The following CLDN23 variants were observed in gnomAD, a reference collection of about 807,000 sequenced individuals.
The protein encoded by CLDN23 is claudin-23.
In CLDN23, 3 loss-of-function variants were observed where a neutral mutation model predicts 1.4. That is an observed-to-expected ratio of 2.10 (90% CI 0.96 to 5.43). CLDN23 has a LOEUF of 5.43. CLDN23 is among the 30% of genes most tolerant of loss of function. CLDN23 has a pLI of 0.02. For synonymous variants in CLDN23, 291 were observed against 209.9 expected (o/e 1.39, Z -3.34); for missense variants, 597 against 433.5 (o/e 1.38, Z -3.35).
rs1298845725 is a variant in CLDN23, at chr8:8,704,039, T to A, written c.*762T>A. ...TTTTGTACAAAATGGAACCTGTTAA[T>A]CATATTAAAGCACATATGTATATAT... is the stretch of plus-strand genomic sequence containing the variant. On this transcript the variant is annotated 3_prime_UTR_variant, in exon 1 of 1. Coordinates refer to ENST00000519106, the MANE Select transcript of CLDN23 (RefSeq NM_194284.3). The A allele has an allele frequency of 6.0e-6, 1 of 166,888 alleles. No individual in the cohort carries two copies. 10.3% of individuals were successfully genotyped at this position (166,888 alleles called of 1,614,324 possible).
Position 8,703,006 on chromosome 8 carries a change from G to T in CLDN23, c.608G>T (p.Ser203Ile). 6.4e-7 allele frequency: 1 copy of T among 1,562,596 alleles called. No individual in the cohort carries two copies. The highest frequency in any genetic ancestry group is 2.3e-5 in the East Asian group (1 of 42,964). The change falls in exon 1 of 1, where the codon AGC becomes ATC. Residue 203 changes from serine to isoleucine, a missense_variant. Physicochemically the swap from Ser to Ile is moderately radical, Grantham distance 142 (BLOSUM62 -2). Coordinates refer to ENST00000519106, the MANE Select transcript of CLDN23 (RefSeq NM_194284.3). ...GGACCCTCCGCCGGGCCTCGCCGCA[G>T]CAGCGTCAGCACCATCCAAGTGGAG... The part of the protein sequence containing the change: ...RKGPSAGPRR[S>I]SVSTIQVEWP...
chr8:8,702,690 G>C lies in CLDN23; in HGVS notation c.292G>C (p.Ala98Pro). ...LAATVLGLLLASLGVRCWQDE... is the reference protein window; with the variant it reads ...LAATVLGLLLPSLGVRCWQDE... ...CGCCACGGTCCTGGGGCTTCTGCTGGCGTCGCTGGGCGTGCGCTGCTGGCA... is the reference window on the plus strand; with the variant it reads ...CGCCACGGTCCTGGGGCTTCTGCTGCCGTCGCTGGGCGTGCGCTGCTGGCA... The change falls in exon 1 of 1, where the codon GCG becomes CCG. Residue 98 changes from alanine to proline, a missense_variant. Ala to Pro is a conservative substitution (Grantham distance 27, BLOSUM62 -1). Coordinates refer to ENST00000519106, the MANE Select transcript of CLDN23 (RefSeq NM_194284.3). The C allele has an allele frequency of 6.2e-7, 1 of 1,606,258 alleles. No individual in the cohort carries two copies. Among genetic ancestry groups the C allele is most frequent in the Non-Finnish European group, 8.5e-7 (1 of 1,179,082 alleles).
In CLDN23 at chr8:8,702,887, C is replaced by A; in HGVS notation, c.489C>A (p.Gly163=). ...AGGTCAGCTACAGCCTGGTCCTGGG[C>A]TACCTGGGCAGCTGCCTCCTGCTGC... ...TVQVSYSLVL[G]YLGSCLLLLG... The change falls in exon 1 of 1, where the codon GGC becomes GGA. Residue 163 remains glycine, a synonymous_variant. Coordinates refer to ENST00000519106, the MANE Select transcript of CLDN23 (RefSeq NM_194284.3). 2 of 1,579,920 alleles carry A rather than the reference C, an allele frequency of 1.3e-6. No individual in the cohort carries two copies. The highest frequency in any genetic ancestry group is 1.7e-5 in the Admixed American group (1 of 58,778).
At position 8,703,127 on chromosome 8, in the gene CLDN23, C is replaced by G; in HGVS notation, c.729C>G (p.Pro243=). Residue 243 remains proline, a synonymous_variant, in exon 1 of 1, where the codon CCC becomes CCG. Coordinates refer to ENST00000519106, the MANE Select transcript of CLDN23 (RefSeq NM_194284.3). ...AGCACCGCAAGCCCAAGCCCAAGCC[C>G]AAGGTCGGCTTCCCCATGCCGCGGC... ...PAQHRKPKPK[P]KVGFPMPRPR... 6.5e-7 allele frequency: 1 copy of G among 1,546,384 alleles called. No homozygotes were observed. Among genetic ancestry groups the G allele is most frequent in the Non-Finnish European group, 8.7e-7 (1 of 1,154,714 alleles).
In CLDN23 at chr8:8,702,357, G is replaced by C. The variant is rs577055353; in HGVS notation, c.-42G>C. 13 of 1,475,870 alleles carry C rather than the reference G, an allele frequency of 8.8e-6. No homozygotes were observed. In the South Asian group the frequency reaches 1.1e-4, roughly 13 times the overall value. 91.4% of individuals were successfully genotyped at this position (1,475,870 alleles called of 1,614,324 possible). A position where few individuals can be genotyped will look rare whatever the true frequency, so the allele number is the denominator to read the frequency against. On this transcript the variant is annotated 5_prime_UTR_variant, in exon 1 of 1. Transcript: ENST00000519106. ...CGGCGGAGAAGGCGACAGCGGAGAA[G>C]GAAGGCAGGCTGCAGGGGCGCCGTC...
Position 8,702,519 on chromosome 8 carries a change from G to C in CLDN23, c.121G>C (p.Val41Leu), listed in dbSNP as rs769517962. ...RLVKGFLNQP[V>L]DVELYQGLWD... ...GGTGAAGGGCTTCCTGAACCAGCCAGTGGACGTGGAGTTGTACCAGGGCCT... is the reference window on the plus strand; with the variant it reads ...GGTGAAGGGCTTCCTGAACCAGCCACTGGACGTGGAGTTGTACCAGGGCCT... Residue 41 changes from valine to leucine, a missense_variant, in exon 1 of 1, where the codon GTG (valine) becomes CTG (leucine). Val to Leu is a conservative substitution (Grantham distance 32, BLOSUM62 1). Transcript: ENST00000519106. 3.7e-6 allele frequency: 6 copies of C among 1,611,404 alleles called. No homozygotes were observed. In the South Asian group the frequency reaches 6.6e-5, roughly 18 times the overall value.
In CLDN23 at chr8:8,704,000, C is replaced by A. The variant is rs560962049; in HGVS notation, c.*723C>A. 1.2e-5 allele frequency: 2 copies of A among 167,030 alleles called. No homozygotes were observed. Among genetic ancestry groups the A allele is most frequent in the Non-Finnish European group, 2.9e-5 (2 of 68,122 alleles). 10.3% of individuals were successfully genotyped at this position (167,030 alleles called of 1,614,324 possible). A position where few individuals can be genotyped will look rare whatever the true frequency, so the allele number is the denominator to read the frequency against. On this transcript the variant is annotated 3_prime_UTR_variant, in exon 1 of 1. Transcript: ENST00000519106. ...GACGCCTCATCCAGGACGCAGAGGA[C>A]TCTAGGTTTAACATTTTGTACAAAA...
Position 8,702,295 on chromosome 8 carries a change from G to A in CLDN23, c.-104G>A. 3 of 1,314,396 alleles carry A rather than the reference G, an allele frequency of 2.3e-6. No homozygotes were observed. The highest frequency in any genetic ancestry group is 3.0e-6 in the Non-Finnish European group (3 of 997,630). The allele number at this position is 1,314,396 out of a possible 1,614,324, so 81.4% of individuals were successfully genotyped here. A position where few individuals can be genotyped will look rare whatever the true frequency, so the allele number is the denominator to read the frequency against. Reference sequence around the variant, plus strand: ...GCCCGGGGCGTCCGCGCTGACTTCGGGTCCCCGGAGCCTGGGGCACGGCAG... The same window carrying A: ...GCCCGGGGCGTCCGCGCTGACTTCGAGTCCCCGGAGCCTGGGGCACGGCAG... On this transcript the variant is annotated 5_prime_UTR_variant, in exon 1 of 1. Coordinates refer to ENST00000519106, the MANE Select transcript of CLDN23 (RefSeq NM_194284.3).
At position 8,702,395 on chromosome 8, in the gene CLDN23, C is replaced by G. The variant is rs781714188; in HGVS notation, c.-4C>G. The G allele has an allele frequency of 8.8e-6, 13 of 1,477,896 alleles. No individual in the cohort carries two copies. Among genetic ancestry groups the G allele is most frequent in the Non-Finnish European group, 1.2e-5 (13 of 1,117,992 alleles). 91.5% of individuals were successfully genotyped at this position (1,477,896 alleles called of 1,614,324 possible). A position where few individuals can be genotyped will look rare whatever the true frequency, so the allele number is the denominator to read the frequency against. Reference sequence around the variant, plus strand: ...CAGGGGCGCCGTCGGCGCGGCGGGCCGGGATGCGGACGCCGGTGGTGATGA... The same window carrying G: ...CAGGGGCGCCGTCGGCGCGGCGGGCGGGGATGCGGACGCCGGTGGTGATGA... On this transcript the variant is annotated 5_prime_UTR_variant, in exon 1 of 1. Coordinates refer to ENST00000519106, the MANE Select transcript of CLDN23 (RefSeq NM_194284.3).
rs772315082 is a variant in CLDN23 at position 8,702,464 on chromosome 8, G to A, written c.66G>A (p.Leu22=). The part of the protein sequence containing the change: ...VLAPCGLLLN[L]TGTLAPGWRL... ...CGCCCTGCGGGCTCCTGCTCAACCT[G>A]ACCGGCACCCTGGCGCCCGGCTGGC... Residue 22 remains leucine (L), a synonymous_variant, in exon 1 of 1, where the codon CTG becomes CTA. Coordinates refer to ENST00000519106, the MANE Select transcript of CLDN23 (RefSeq NM_194284.3). The A allele has an allele frequency of 6.2e-7, 1 of 1,606,742 alleles. No homozygotes were observed. The highest frequency in any genetic ancestry group is 1.7e-5 in the Admixed American group (1 of 59,682).
Position 8,702,153 on chromosome 8 carries a change from A to C in CLDN23, c.-246A>C, listed in dbSNP as rs11781257. The C allele has an allele frequency of 1.3e-5, 5 of 376,308 alleles. No individual in the cohort carries two copies. In the Admixed American group the frequency reaches 1.4e-4, roughly 10 times the overall value. 23.3% of individuals were successfully genotyped at this position (376,308 alleles called of 1,614,324 possible). ...CCGCGGGCTGGTTTCGATTAGGGCC[A>C]GTAGGAGGGCGGAGCGGCCGGGACG... is the stretch of plus-strand genomic sequence containing the variant. On this transcript the variant is annotated 5_prime_UTR_variant, in exon 1 of 1. Coordinates refer to ENST00000519106, the MANE Select transcript of CLDN23 (RefSeq NM_194284.3).
chr8:8,703,383 T>C lies in CLDN23; in HGVS notation c.*106T>C. On this transcript the variant is annotated 3_prime_UTR_variant, in exon 1 of 1. Transcript: ENST00000519106. The stretch of plus-strand genomic sequence containing the variant: ...GACACTTGCCCCTCACTGGTGTGGA[T>C]GGAAATCTGCCTTTCGTGGGACCAA... The C allele has an allele frequency of 2.6e-6, 3 of 1,132,546 alleles. No individual in the cohort carries two copies. In the South Asian group the frequency reaches 1.1e-4, roughly 41 times the overall value. 70.2% of individuals were successfully genotyped at this position (1,132,546 alleles called of 1,614,324 possible).
chr8:8,702,841 C>T lies in CLDN23; in HGVS notation c.443C>T (p.Pro148Leu), dbSNP rs1802782916. The T allele has an allele frequency of 1.2e-6, 2 of 1,606,550 alleles. No individual in the cohort carries two copies. The highest frequency in any genetic ancestry group is 1.7e-6 in the Non-Finnish European group (2 of 1,177,970). The change falls in exon 1 of 1, where the codon CCG becomes CTG. Residue 148 changes from proline to leucine, a missense_variant. Physicochemically the swap from Pro to Leu is moderately conservative, Grantham distance 98. Transcript: ENST00000519106. ...FLGDRDVLPA[P>L]ASPVTVQVSY... ...GGGGACCGCGACGTGCTGCCCGCCC[C>T]GGCCAGCCCGGTCACGGTGCAGGTC...
chr8:8,704,061 A>G lies in CLDN23; in HGVS notation c.*784A>G, dbSNP rs926491837. On this transcript the variant is annotated 3_prime_UTR_variant, in exon 1 of 1. Coordinates refer to ENST00000519106, the MANE Select transcript of CLDN23 (RefSeq NM_194284.3). ...TAATCATATTAAAGCACATATGTAT[A>G]TATCTTTTATTTATAAATAAAATTT... 3.6e-5 allele frequency: 6 copies of G among 166,244 alleles called. No homozygotes were observed. The highest frequency in any genetic ancestry group is 1.4e-4 in the African/African-American group (6 of 41,574). The allele number at this position is 166,244 out of a possible 1,614,324, so 10.3% of individuals were successfully genotyped here.
At position 8,702,406 on chromosome 8, in the gene CLDN23, C is replaced by CGCCGGTGGTGAT; in HGVS notation, c.10_21dup (p.Pro4_Met7dup). 5 of 1,493,966 alleles carry CGCCGGTGGTGAT rather than the reference C, an allele frequency of 3.3e-6. No homozygotes were observed. Among genetic ancestry groups the CGCCGGTGGTGAT allele is most frequent in the South Asian group, 2.7e-5 (2 of 74,824 alleles). 92.5% of individuals were successfully genotyped at this position (1,493,966 alleles called of 1,614,324 possible). On this transcript the variant is annotated inframe_insertion, in exon 1 of 1. Transcript: ENST00000519106. ...TCGGCGCGGCGGGCCGGGATGCGGA[C>CGCCGGTGGTGAT]GCCGGTGGTGATGACGCTGGGCATG... is the stretch of plus-strand genomic sequence containing the variant.
Position 8,703,633 on chromosome 8 carries a change from C to G in CLDN23, c.*356C>G. ...TTTAACATGTTGAAACGACAATATTCTAAAATACTGATGAATCTTGCATCA... is the reference window on the plus strand; with the variant it reads ...TTTAACATGTTGAAACGACAATATTGTAAAATACTGATGAATCTTGCATCA... On this transcript the variant is annotated 3_prime_UTR_variant, in exon 1 of 1. Coordinates refer to ENST00000519106, the MANE Select transcript of CLDN23 (RefSeq NM_194284.3). 4.7e-6 allele frequency: 1 copy of G among 211,950 alleles called. No individual in the cohort carries two copies. The highest frequency in any genetic ancestry group is 1.0e-5 in the Non-Finnish European group (1 of 98,112). 13.1% of individuals were successfully genotyped at this position (211,950 alleles called of 1,614,324 possible). A position where few individuals can be genotyped will look rare whatever the true frequency, so the allele number is the denominator to read the frequency against.
Position 8,702,531 on chromosome 8 carries a change from T to A in CLDN23, c.133T>A (p.Leu45Met), listed in dbSNP as rs762534621. The A allele has an allele frequency of 6.2e-7, 1 of 1,610,844 alleles. No homozygotes were observed. Among genetic ancestry groups the A allele is most frequent in the Non-Finnish European group, 8.5e-7 (1 of 1,178,966 alleles). Residue 45 changes from leucine (L) to methionine (M), a missense_variant, in exon 1 of 1, where the codon TTG (leucine) becomes ATG (methionine). Coordinates refer to ENST00000519106, the MANE Select transcript of CLDN23 (RefSeq NM_194284.3). ...CCTGAACCAGCCAGTGGACGTGGAG[T>A]TGTACCAGGGCCTGTGGGACATGTG... ...GFLNQPVDVE[L>M]YQGLWDMCRE...
rs1802766390 is a variant in CLDN23, at chr8:8,702,608, C to T, written c.210C>T (p.Gly70=). 6.2e-7 allele frequency: 1 copy of T among 1,605,782 alleles called. No homozygotes were observed. The change falls in exon 1 of 1, where the codon GGC becomes GGT. Residue 70 remains glycine (G), a synonymous_variant. Coordinates refer to ENST00000519106, the MANE Select transcript of CLDN23 (RefSeq NM_194284.3). ...ERECGQTDQW[G]YFEAQPVLVA... is the part of the protein sequence containing the mutation. Reference sequence around the variant, plus strand: ...AGTGCGGCCAGACGGACCAGTGGGGCTACTTCGAGGCCCAGCCCGTGCTGG... The same window carrying T: ...AGTGCGGCCAGACGGACCAGTGGGGTTACTTCGAGGCCCAGCCCGTGCTGG...
Position 8,702,461 on chromosome 8 carries a change from C to G in CLDN23, c.63C>G (p.Asn21Lys), listed in dbSNP as rs1802754718. 3 of 1,605,080 alleles carry G rather than the reference C, an allele frequency of 1.9e-6. No individual in the cohort carries two copies. Among genetic ancestry groups the G allele is most frequent in the Non-Finnish European group, 2.5e-6 (3 of 1,176,724 alleles). Reference protein sequence around the residue: ...MVLAPCGLLLNLTGTLAPGWR... With the variant: ...MVLAPCGLLLKLTGTLAPGWR... ...TGGCGCCCTGCGGGCTCCTGCTCAACCTGACCGGCACCCTGGCGCCCGGCT... is the reference window on the plus strand; with the variant it reads ...TGGCGCCCTGCGGGCTCCTGCTCAAGCTGACCGGCACCCTGGCGCCCGGCT... The change falls in exon 1 of 1, where the codon AAC becomes AAG. Residue 21 changes from asparagine to lysine, a missense_variant. Coordinates refer to ENST00000519106, the MANE Select transcript of CLDN23 (RefSeq NM_194284.3).
Sources: gnomAD v4.1 joint callset for allele counts on GRCh38, gnomAD v4.1.1 for gene constraint, MANE v1.5 for transcripts, NCBI Gene and HGNC (gene_info 2026-07-23, HGNC 2026-07-21) for gene names.